Variants in IL1RAPL1 observed in about 807,000 individuals in gnomAD.
IL1RAPL1 encodes interleukin-1 receptor accessory protein-like 1.
A neutral mutation model predicts 48.4 loss-of-function variants in IL1RAPL1; 3 were observed. The ratio of observed to expected loss-of-function variants is 0.06; its 90% CI spans 0.03 to 0.16. The LOEUF is 0.16. IL1RAPL1 is among the 10% of genes least tolerant of loss of function. The pLI is 1.00. For synonymous variants in IL1RAPL1, 185 were observed against 187.7 expected (o/e 0.99, Z 0.12); for missense variants, 349 against 530.6 (o/e 0.66, Z 3.36).
At chrX:29,279,800 A>G (rs1021394514) in intron 2 of IL1RAPL1, among the ~76,000 whole-genome samples, 22 of 112,275 alleles carry the variant, frequency 2.0e-4, no homozygotes, top group Non-Finnish European at 1.1e-4. Context: ...CAGAAAGCAT[A>G]TTCTGAAAGT....
intron 5 of IL1RAPL1, among the ~76,000 whole-genome samples, chrX:29,638,043 G>A (rs751894164): frequency 5.4e-5 from 6 of 111,484 alleles, no homozygotes; most frequent in Non-Finnish European, 9.4e-5. Context: ...CTAGCATATT[G>A]GAGATACACC....
intron 2 of IL1RAPL1, among the ~76,000 whole-genome samples, chrX:29,134,762 T>A (rs1352690989): frequency 9.0e-6 from 1 of 111,258 alleles, no homozygotes; most frequent in Non-Finnish European, 1.9e-5. Context: ...TTTGGTAAAG[T>A]TCTTCTAATT....
At chrX:29,717,462 G>T (rs1282781849) in intron 6 of IL1RAPL1, among the ~76,000 whole-genome samples, 1 of 112,115 alleles carries the variant, frequency 8.9e-6, no homozygotes, top group Non-Finnish European at 1.9e-5. Flanking sequence ...CTTCTGGGAA[G>T]GTCTTTTGCC....
chrX:29,098,610 C>T (rs1401248907), intron 2 of IL1RAPL1, among the ~76,000 whole-genome samples: 4 of 111,808 alleles, frequency 3.6e-5, no homozygotes, highest in Non-Finnish European at 5.6e-5. Context: ...ACCTCAGCCT[C>T]TACCCTAGGC....
intron 3 of IL1RAPL1, among the ~76,000 whole-genome samples, chrX:29,338,869 T>A (rs767017168): frequency 1.3e-4 from 14 of 110,779 alleles, no homozygotes; most frequent in Non-Finnish European, 2.3e-4. Flanking sequence ...TTTAGAAAGC[T>A]CCACATTTTT....
intron 2 of IL1RAPL1, among the ~76,000 whole-genome samples, chrX:29,240,557 GT>G (rs1366897200): frequency 9.1e-6 from 1 of 109,524 alleles, no homozygotes; most frequent in Non-Finnish European, 1.9e-5. Flanking sequence ...TTATACCTAG[GT>G]TTGCACATGG....
intron 2 of IL1RAPL1, among the ~76,000 whole-genome samples, chrX:29,085,981 G>A (rs1424275009): frequency 8.9e-6 from 1 of 112,022 alleles, no homozygotes; most frequent in African/African-American, 3.2e-5. Context: ...TATCCTGAGA[G>A]CCACCAGTTC....
At chrX:29,867,583 A>G (rs933274260) in intron 6 of IL1RAPL1, among the ~76,000 whole-genome samples, 2 of 112,119 alleles carry the variant, frequency 1.8e-5, no homozygotes, top group African/African-American at 6.5e-5. Context: ...TTTGAGAAAT[A>G]AATTCTCGTT....
At chrX:29,155,319 CGTGG>C (rs1244604560) in intron 2 of IL1RAPL1, among the ~76,000 whole-genome samples, 2 of 111,867 alleles carry the variant, frequency 1.8e-5, no homozygotes, top group African/African-American at 6.5e-5. Flanking sequence ...GTGAAACAAA[CGTGG>C]TATCTTTTTC....
At chrX:29,802,011 A>G (rs1471349442) in intron 6 of IL1RAPL1, among the ~76,000 whole-genome samples, 1 of 112,417 alleles carries the variant, frequency 8.9e-6, no homozygotes, top group African/African-American at 3.2e-5. Context: ...TCGTAGTTTT[A>G]AACACTTAAA....
intron 5 of IL1RAPL1, among the ~76,000 whole-genome samples, chrX:29,435,057 T>C (rs1241597276): frequency 9.0e-6 from 1 of 111,219 alleles, no homozygotes; most frequent in Non-Finnish European, 1.9e-5. Flanking sequence ...AATTATACAA[T>C]AGGTGATCTT....
chrX:29,078,819 A>G (rs762597345), intron 2 of IL1RAPL1, among the ~76,000 whole-genome samples: 6 of 111,920 alleles, frequency 5.4e-5, no homozygotes, highest in African/African-American at 1.9e-4. Context: ...AATATGTGTA[A>G]TTATGATAAT....
chrX:29,918,123 C>CAA (rs781348669), intron 7 of IL1RAPL1, among the ~76,000 whole-genome samples: 113 of 7,810 alleles, frequency 0.014, 32 homozygotes, highest in Non-Finnish European at 0.019. Context: ...ACTCTGTCTC[C>CAA]AAAAAAAAAA....
At chrX:29,412,815 T>C (rs1185530989) in intron 5 of IL1RAPL1, among the ~76,000 whole-genome samples, 1 of 112,070 alleles carries the variant, frequency 8.9e-6, no homozygotes, top group Non-Finnish European at 1.9e-5. Flanking sequence ...AAATGTTGTC[T>C]TAGTGTTGAG....
At chrX:29,386,027 T>A (rs1295859354) in intron 3 of IL1RAPL1, among the ~76,000 whole-genome samples, 2 of 112,117 alleles carry the variant, frequency 1.8e-5, no homozygotes, top group African/African-American at 6.5e-5. Context: ...TTTTAAAAAT[T>A]TTTTTTAATT....
At chrX:29,679,808 C>T (rs1461020337) in intron 6 of IL1RAPL1, among the ~76,000 whole-genome samples, 1 of 111,148 alleles carries the variant, frequency 9.0e-6, no homozygotes, top group African/African-American at 3.3e-5. Context: ...AGATTTCAGC[C>T]TCAGGAGAAA....
intron 5 of IL1RAPL1, among the ~76,000 whole-genome samples, chrX:29,610,994 A>G (rs1217732100): frequency 1.8e-5 from 2 of 112,340 alleles, no homozygotes; most frequent in Admixed American, 9.4e-5. Context: ...GACCCTATAT[A>G]TTGTGACTTA....
chrX:28,897,380 G>A lies in IL1RAPL1; in HGVS notation c.82+107955G>A, dbSNP rs768867218. Among the ~76,000 whole-genome samples the A allele has an allele frequency of 1.3e-4, 15 of 111,936 alleles. No individual in the cohort carries two copies. The South Asian group carries it at 4.1e-3, about 31-fold the overall frequency. On this transcript the variant is annotated intron_variant, in intron 2 of 10. Coordinates refer to ENST00000378993, the MANE Select transcript of IL1RAPL1 (RefSeq NM_014271.4). The stretch of plus-strand genomic sequence containing the variant: ...AAGGGAAGACTGTCTTCCCGAGCCC[G>A]TGACCAGCACGGGAGTTTTGGGTCC...
chrX:29,875,058 A>G (rs1282511974), intron 6 of IL1RAPL1, among the ~76,000 whole-genome samples: 3 of 111,897 alleles, frequency 2.7e-5, no homozygotes, highest in African/African-American at 9.7e-5. Flanking sequence ...ACATACATAT[A>G]TACACACAGT....
Sources: allele counts gnomAD v4.1 joint callset (sites outside exome capture counted in the v4.1 genomes callset), GRCh38; gene constraint gnomAD v4.1.1; transcripts MANE v1.5; gene names NCBI Gene and HGNC (gene_info 2026-07-23, HGNC 2026-07-21).